SCYL2: variants seen among roughly 807,000 people sequenced by gnomAD.
SCYL2 encodes SCY1 like pseudokinase 2.
In SCYL2, 36 loss-of-function variants were observed where a neutral mutation model predicts 100.4. The ratio of observed to expected loss-of-function variants is 0.36; its 90% CI spans 0.27 to 0.47. The LOEUF (loss-of-function observed/expected upper bound fraction) is 0.47. SCYL2 is among the 20% of genes least tolerant of loss of function. The pLI is 1.00. For missense variants in SCYL2, 902 were observed against 1,083.9 expected (o/e 0.83, Z 2.36); for synonymous variants, 330 against 359.2 (o/e 0.92, Z 0.92).
chr12:100,284,910 G>A lies in SCYL2; in HGVS notation c.177+1763G>A, dbSNP rs187795933. Among the ~76,000 whole-genome samples the A allele has an allele frequency of 1.4e-3, 210 of 152,172 alleles. 2 individuals carry two copies. Among genetic ancestry groups the A allele is most frequent in the East Asian group, 1.4e-3 (7 of 5,176 alleles). ...GTGTCGGCCAGCCATGGTGGCTCAC[G>A]CCTGTAGTCTCAGCACTTTGGAAGG... On this transcript the variant is annotated intron_variant, in intron 2 of 17. Coordinates refer to ENST00000360820, the MANE Select transcript of SCYL2 (RefSeq NM_017988.6).
At chr12:100,298,288 T>G (rs2096323363) in intron 4 of SCYL2, 113 bp downstream of exon 4, 2 of 729,116 alleles carry the variant, frequency 2.7e-6, no homozygotes, top group Non-Finnish European at 4.2e-6. Flanking sequence ...TGGTTCTTGT[T>G]AGTAATTTAG....
chr12:100,297,900 C>A, intron 3 of SCYL2, 131 bp from the exon 4 acceptor site: 2 of 745,876 alleles, frequency 2.7e-6, no homozygotes, highest in South Asian at 2.0e-5. Flanking sequence ...TATGTCTATG[C>A]TGAAATTAAC....
chr12:100,296,211 A>G (rs533111161), intron 3 of SCYL2, among the ~76,000 whole-genome samples: 2 of 152,210 alleles, frequency 1.3e-5, no homozygotes, highest in Non-Finnish European at 2.9e-5. Flanking sequence ...AAATTGTAGT[A>G]GCATTGATAG....
chr12:100,289,890 T>C (rs147639473), intron 2 of SCYL2, among the ~76,000 whole-genome samples: 285 of 152,342 alleles, frequency 1.9e-3, no homozygotes, highest in African/African-American at 6.3e-3. Context: ...AGTTGACAGG[T>C]TGTTGAATCT....
Position 100,283,137 on chromosome 12 carries a change from C to A in SCYL2, c.167C>A (p.Ser56Ter). ...AAGATTTTTAATGGCACAAAAAAGT[C>A]AACAAAGCAGGTGAGTTTTAATTCA... ...AWKIFNGTKK[S>*]TKQEVAVFVF... The change falls in exon 2 of 18, where the codon TCA (serine) becomes TAA (stop). Residue 56 changes from serine to a stop codon, truncating the protein, a stop_gained. Transcript: ENST00000360820. LOFTEE classifies it high-confidence loss of function. The A allele has an allele frequency of 6.2e-7, 1 of 1,603,596 alleles. No individual in the cohort carries two copies. The highest frequency in any genetic ancestry group is 1.1e-5 in the South Asian group (1 of 88,892).
At position 100,291,677 on chromosome 12, in the gene SCYL2, AC is replaced by A. The variant is rs1163574003; in HGVS notation, c.335+18del. 1 of 1,561,326 alleles carries A rather than the reference AC, an allele frequency of 6.4e-7. No homozygotes were observed. The highest frequency in any genetic ancestry group is 8.6e-7 in the Non-Finnish European group (1 of 1,162,388). On this transcript the variant is annotated intron_variant, in intron 3 of 17. Coordinates refer to ENST00000360820, the MANE Select transcript of SCYL2 (RefSeq NM_017988.6). ...AGAATCCAGGTAAATTTTTACAAAA[AC>A]TTACATAGTAGACTTCCTGAACAAA...
In SCYL2 at chr12:100,267,978, T is replaced by TG. The variant is rs574888759; in HGVS notation, c.-29+187dup. On this transcript the variant is annotated intron_variant, in intron 1 of 17. Transcript: ENST00000360820. ...AACCCCACGGTTACTCCTGCAGTCT[T>TG]GTTTTTCTAAACGGGAGAATACGGA... 1.5e-3 allele frequency among the ~76,000 whole-genome samples: 236 copies of TG among 152,292 alleles called. 2 individuals carry two copies. Among genetic ancestry groups the TG allele is most frequent in the Non-Finnish European group, 2.6e-3 (175 of 68,026 alleles).
intron 4 of SCYL2, among the ~76,000 whole-genome samples, chr12:100,299,289 A>G (rs2096324721): frequency 6.6e-6 from 1 of 152,192 alleles, no homozygotes; most frequent in Non-Finnish European, 1.5e-5. Flanking sequence ...GAATAAATTT[A>G]TATAGTAGAT....
Position 100,311,865 on chromosome 12 carries a change from T to C in SCYL2, c.631-567T>C, listed in dbSNP as rs1183259264. Among the ~76,000 whole-genome samples the C allele has an allele frequency of 3.3e-5, 5 of 152,320 alleles. No homozygotes were observed. The East Asian group carries it at 7.7e-4, about 23-fold the overall frequency. On this transcript the variant is annotated intron_variant, in intron 5 of 17. Transcript: ENST00000360820. ...AGATCCTTGGTGATATGGCACCTTATGATCGTTGGTGATAGGTTTTTCTTA... is the reference window on the plus strand; with the variant it reads ...AGATCCTTGGTGATATGGCACCTTACGATCGTTGGTGATAGGTTTTTCTTA...
rs546560012 is a variant in SCYL2, at chr12:100,333,914, A to C, written c.1762-252A>C. On this transcript the variant is annotated intron_variant, in intron 13 of 17. Transcript: ENST00000360820. ...TTAAACAACTCCGGGAGTAAAACTC[A>C]TTATTGAGACATGTTTTCTGGAACT... The C allele has an allele frequency of 6.0e-5, 19 of 315,856 alleles. No homozygotes were observed. The South Asian group carries it at 8.4e-4, about 14-fold the overall frequency. The allele number at this position is 315,856 out of a possible 1,614,324, so 19.6% of individuals were successfully genotyped here.
At chr12:100,270,219 C>T (rs2096286119) in intron 1 of SCYL2, among the ~76,000 whole-genome samples, 1 of 151,998 alleles carries the variant, frequency 6.6e-6, no homozygotes, top group Non-Finnish European at 1.5e-5. Context: ...ATCTCCTGAC[C>T]CTCGTGATCC....
At chr12:100,312,247 G>A (rs920218007) in intron 5 of SCYL2, among the ~76,000 whole-genome samples, 185 bp from the exon 6 acceptor site, 2 of 152,086 alleles carry the variant, frequency 1.3e-5, no homozygotes, top group Admixed American at 1.3e-4. Context: ...CAGTTGTAAC[G>A]GTTCTTATTT....
chr12:100,307,826 G>A (rs7306197), intron 4 of SCYL2, among the ~76,000 whole-genome samples: 18,562 of 152,126 alleles, frequency 0.12, 1,516 homozygotes, highest in Non-Finnish European at 0.18. Context: ...AAAAGTGGGC[G>A]AAGCATATGA....
At chr12:100,295,592 G>A (rs543583063) in intron 3 of SCYL2, among the ~76,000 whole-genome samples, 2,176 of 152,178 alleles carry the variant, frequency 0.014, 32 homozygotes, top group Middle Eastern at 0.051. Context: ...GCAGGCACTC[G>A]GCAGGCTGAG....
chr12:100,295,183 G>A (rs1009575455), intron 3 of SCYL2, among the ~76,000 whole-genome samples: 18 of 150,494 alleles, frequency 1.2e-4, no homozygotes, highest in African/African-American at 4.2e-4. Context: ...ATGGGATGGC[G>A]GCCGGACGGA....
chr12:100,292,595 T>A (rs1037769778), intron 3 of SCYL2, among the ~76,000 whole-genome samples: 2 of 152,214 alleles, frequency 1.3e-5, no homozygotes, highest in Admixed American at 6.5e-5. Context: ...ATCTTTTTTT[T>A]AAACATAAAA....
intron 7 of SCYL2, 81 bp downstream of exon 7, chr12:100,313,619 A>T (rs370115407): frequency 2.0e-5 from 15 of 741,170 alleles, no homozygotes; most frequent in Non-Finnish European, 3.0e-5. Flanking sequence ...TTTTAAAAAA[A>T]TATTTTTCCC....
chr12:100,311,765 C>T (rs950356864), intron 5 of SCYL2, among the ~76,000 whole-genome samples: 1 of 152,160 alleles, frequency 6.6e-6, no homozygotes, highest in African/African-American at 2.4e-5. Context: ...ATTAGGATAC[C>T]TGCCTATTCA....
At position 100,291,626 on chromosome 12, in the gene SCYL2, C is replaced by G. The variant is rs1424965911; in HGVS notation, c.301C>G (p.Leu101Val). The G allele has an allele frequency of 6.2e-7, 1 of 1,600,742 alleles. No homozygotes were observed. The highest frequency in any genetic ancestry group is 1.7e-5 in the Admixed American group (1 of 57,480). ...GTTAACTCGGCTTCGACACCCTCGA[C>G]TTCTTACTGTCCAGCATCCTTTAGA... is the stretch of plus-strand genomic sequence containing the variant. ...QQLTRLRHPR[L>V]LTVQHPLEES... The change falls in exon 3 of 18, where the codon CTT (leucine) becomes GTT (valine). Residue 101 changes from leucine (L) to valine (V), a missense_variant. Transcript: ENST00000360820.
Sources: gnomAD v4.1 joint callset for allele counts (sites outside exome capture counted in the v4.1 genomes callset) on GRCh38, gnomAD v4.1.1 for gene constraint, MANE v1.5 for transcripts, NCBI Gene and HGNC (gene_info 2026-07-23, HGNC 2026-07-21) for gene names.